The following IGF1R variants were observed in gnomAD, a reference collection of about 807,000 sequenced individuals.
The protein encoded by IGF1R is insulin-like growth factor 1 receptor.
A neutral mutation model predicts 144.6 loss-of-function variants in IGF1R; 44 were observed. The observed-to-expected ratio is 0.30, with a 90% CI of 0.24 to 0.39. IGF1R has a LOEUF of 0.39. Ranked by LOEUF, IGF1R falls within the 10% of genes least tolerant of loss-of-function variation. IGF1R has a pLI of 1.00. For synonymous variants in IGF1R, 795 were observed against 722.8 expected, an observed-to-expected ratio of 1.10 and a Z score of -1.60; for missense variants, 1,355 against 1,833.7, an observed-to-expected ratio of 0.74 and a Z score of 4.77.
At chr15:98,675,546 G>A (rs1438033824) in intron 1 of IGF1R, among the ~76,000 whole-genome samples, 2 of 152,138 alleles carry the variant, frequency 1.3e-5, no homozygotes, top group Non-Finnish European at 2.9e-5. Context: ...TGCAATTTTA[G>A]CATTTAAAAA....
intron 13 of IGF1R, among the ~76,000 whole-genome samples, chr15:98,929,236 A>G (rs563787726): frequency 6.6e-6 from 1 of 152,112 alleles, no homozygotes; most frequent in South Asian, 2.1e-4. Flanking sequence ...TGTCAAATGT[A>G]TGCATTTTCA....
intron 2 of IGF1R, among the ~76,000 whole-genome samples, chr15:98,835,880 C>T (rs2057091104): frequency 6.6e-6 from 1 of 152,174 alleles, no homozygotes; most frequent in Non-Finnish European, 1.5e-5. Context: ...AGCCAGATTA[C>T]TGAAGTATTG....
intron 2 of IGF1R, among the ~76,000 whole-genome samples, chr15:98,872,789 A>T (rs2012853615): frequency 1.3e-5 from 2 of 152,252 alleles, no homozygotes; most frequent in South Asian, 4.1e-4. Context: ...TCCTAAGCAG[A>T]GGATGAACTT....
intron 10 of IGF1R, among the ~76,000 whole-genome samples, chr15:98,918,242 C>T (rs899582758): frequency 2.6e-5 from 4 of 152,098 alleles, no homozygotes; most frequent in African/African-American, 9.7e-5. Context: ...GCTGCCCATC[C>T]GCAGTCCCCA....
In IGF1R at chr15:98,754,611, T is replaced by G. The variant is rs1030508938; in HGVS notation, c.640+46504T>G. On this transcript the variant is annotated intron_variant, in intron 2 of 20. Transcript: ENST00000650285. ...GCTGCGTTCCGAAGCAGCACAGCCA[T>G]GGTTAGGCACTGCCAGGCAGCTCTT... Among the ~76,000 whole-genome samples, 46 of 152,204 alleles carry G rather than the reference T, an allele frequency of 3.0e-4. 2 individuals are homozygous for G. The highest frequency in any genetic ancestry group is 4.4e-5 in the Non-Finnish European group (3 of 68,040).
chr15:98,671,908 T>A (rs2052902764), intron 1 of IGF1R, among the ~76,000 whole-genome samples: 1 of 152,244 alleles, frequency 6.6e-6, no homozygotes, highest in Non-Finnish European at 1.5e-5. Flanking sequence ...TCTTGAGATC[T>A]TTTTGTTTGG....
At chr15:98,897,432 A>G (rs1442197735) in intron 4 of IGF1R, 1 of 167,148 alleles carries the variant, frequency 6.0e-6, no homozygotes, top group Non-Finnish European at 1.3e-5. Flanking sequence ...TTGTGTACAT[A>G]AAGTTTCGGT....
chr15:98,943,478 A>G (rs573603950), intron 19 of IGF1R, among the ~76,000 whole-genome samples: 4 of 152,246 alleles, frequency 2.6e-5, no homozygotes, highest in African/African-American at 9.6e-5. Context: ...CCCAAAGCTT[A>G]TGAGTCCTGA....
chr15:98,874,880 T>C (rs1386592016), intron 2 of IGF1R, among the ~76,000 whole-genome samples: 1 of 152,236 alleles, frequency 6.6e-6, no homozygotes, highest in Non-Finnish European at 1.5e-5. Context: ...GAAGCCGTTC[T>C]CTTCTCCAGA....
intron 20 of IGF1R, among the ~76,000 whole-genome samples, chr15:98,956,540 G>A (rs2151737048): frequency 6.6e-6 from 1 of 152,334 alleles, no homozygotes; most frequent in East Asian, 1.9e-4. Context: ...TTGTCTGCCA[G>A]GGGTAGCCCT....
At chr15:98,899,683 A>G (rs1175241027) in intron 5 of IGF1R, 62 bp downstream of exon 5, 14 of 1,543,706 alleles carry the variant, frequency 9.1e-6, no homozygotes, top group Middle Eastern at 1.8e-4. Flanking sequence ...TGCTTATGAA[A>G]CTGTGTTGCT....
chr15:98,928,011 A>G (rs1168569355), intron 13 of IGF1R, among the ~76,000 whole-genome samples: 2 of 152,152 alleles, frequency 1.3e-5, no homozygotes, highest in Non-Finnish European at 2.9e-5. Flanking sequence ...GTGGTCTTGT[A>G]ATCCATTTGT....
Position 98,957,477 on chromosome 15 carries a change from G to A in IGF1R, c.*35G>A. 6.2e-7 allele frequency: 1 copy of A among 1,611,834 alleles called. No homozygotes were observed. On this transcript the variant is annotated 3_prime_UTR_variant, in exon 21 of 21. Coordinates refer to ENST00000650285, the MANE Select transcript of IGF1R (RefSeq NM_000875.5). The stretch of plus-strand genomic sequence containing the variant: ...CCTGAATCTGTGCAAACAGTAACGT[G>A]TGCGCACGCGCAGCGGGGTGGGGGG...
intron 2 of IGF1R, among the ~76,000 whole-genome samples, chr15:98,721,032 T>G (rs1363767999): frequency 2.0e-5 from 3 of 152,150 alleles, no homozygotes. Context: ...GGGAGTTGGG[T>G]GCGTTCTGCT....
At chr15:98,757,613 A>G (rs938645704) in intron 2 of IGF1R, among the ~76,000 whole-genome samples, 11 of 152,054 alleles carry the variant, frequency 7.2e-5, no homozygotes, top group African/African-American at 2.7e-4. Flanking sequence ...TGTCCAGTTT[A>G]ATGCTTAATG....
intron 18 of IGF1R, among the ~76,000 whole-genome samples, chr15:98,940,345 G>A (rs2016318508): frequency 6.6e-6 from 1 of 152,128 alleles, no homozygotes; most frequent in Non-Finnish European, 1.5e-5. Context: ...TTTTCCTTTA[G>A]TAGTGATGTT....
At chr15:98,657,157 A>G (rs1390459259) in intron 1 of IGF1R, among the ~76,000 whole-genome samples, 1 of 152,240 alleles carries the variant, frequency 6.6e-6, no homozygotes, top group East Asian at 1.9e-4. Context: ...AGACATCACC[A>G]ATTTAAGTCA....
At chr15:98,820,236 C>T (rs1033858243) in intron 2 of IGF1R, among the ~76,000 whole-genome samples, 2 of 151,912 alleles carry the variant, frequency 1.3e-5, no homozygotes, top group Non-Finnish European at 2.9e-5. Context: ...TAGCCTTTTT[C>T]TCTGGTCTTA....
intron 2 of IGF1R, among the ~76,000 whole-genome samples, chr15:98,871,731 T>C (rs763042044): frequency 6.6e-6 from 1 of 152,170 alleles, no homozygotes; most frequent in Admixed American, 6.5e-5. Context: ...GTGAGACATA[T>C]TAACTAATAA....
Sources: gnomAD v4.1 joint callset for allele counts (sites outside exome capture counted in the v4.1 genomes callset) on GRCh38, gnomAD v4.1.1 for gene constraint, MANE v1.5 for transcripts, NCBI Gene and HGNC (gene_info 2026-07-23, HGNC 2026-07-21) for gene names.